SGMS2: variants seen among roughly 807,000 people sequenced by gnomAD.
SGMS2 encodes the protein sphingomyelin synthase 2, also known as phosphatidylcholine:ceramide cholinephosphotransferase 2.
In SGMS2, 21 loss-of-function variants were observed where a neutral mutation model predicts 43.8. The ratio of observed to expected loss-of-function variants is 0.48; its 90% CI spans 0.34 to 0.69. The LOEUF is 0.69. SGMS2 is among the 30% of genes least tolerant of loss of function. The probability of loss-of-function intolerance (pLI) is 0.01; values close to 1 mark genes in which losing one functional copy is unlikely to be tolerated. For missense variants in SGMS2, 384 were observed against 443.2 expected, an observed-to-expected ratio of 0.87 and a Z score of 1.20; for synonymous variants, 167 against 160.6, an observed-to-expected ratio of 1.04 and a Z score of -0.30.
At chr4:107,837,153 C>G (rs1218630390) in intron 1 of SGMS2, among the ~76,000 whole-genome samples, 1 of 152,038 alleles carries the variant, frequency 6.6e-6, no homozygotes, top group African/African-American at 2.4e-5. Context: ...ATTTTTGATT[C>G]TGGGGATTCA....
chr4:107,896,464 C>T (rs1730679786), intron 3 of SGMS2, among the ~76,000 whole-genome samples: 1 of 152,122 alleles, frequency 6.6e-6, no homozygotes, highest in South Asian at 2.1e-4. Context: ...CAATAGCCTG[C>T]TTTAAGGTTT....
intron 2 of SGMS2, among the ~76,000 whole-genome samples, chr4:107,882,444 T>G (rs1403837793): frequency 6.6e-6 from 1 of 152,222 alleles, no homozygotes; most frequent in Admixed American, 6.5e-5. Context: ...GCTTATTTTT[T>G]TACTCAGACT....
chr4:107,882,893 A>G (rs1729469858), intron 2 of SGMS2, among the ~76,000 whole-genome samples: 1 of 152,172 alleles, frequency 6.6e-6, no homozygotes, highest in Non-Finnish European at 1.5e-5. Flanking sequence ...TCTATTATTC[A>G]TTATTGCAGT....
At chr4:107,880,160 A>G (rs1729232712) in intron 2 of SGMS2, among the ~76,000 whole-genome samples, 1 of 152,186 alleles carries the variant, frequency 6.6e-6, no homozygotes. Context: ...TTTCAATTAT[A>G]TCTTTTACCT....
intron 3 of SGMS2, among the ~76,000 whole-genome samples, chr4:107,896,486 A>G (rs942002346): frequency 2.0e-5 from 3 of 152,166 alleles, no homozygotes; most frequent in East Asian, 1.9e-4. Flanking sequence ...CCTAGATTCA[A>G]TTCTCAAATT....
At chr4:107,893,624 G>C (rs1730424980) in intron 2 of SGMS2, 1 of 152,262 alleles carries the variant, frequency 6.6e-6, no homozygotes, top group Admixed American at 6.6e-5. Context: ...GTAATGTATT[G>C]ATAGCTGGGG....
intron 3 of SGMS2, among the ~76,000 whole-genome samples, chr4:107,898,878 T>A (rs1730892142): frequency 6.6e-6 from 1 of 152,208 alleles, no homozygotes; most frequent in South Asian, 2.1e-4. Context: ...GGGATTTTTT[T>A]ATCCTTTTTT....
At chr4:107,899,259 GA>G (rs1264604129) in intron 3 of SGMS2, among the ~76,000 whole-genome samples, 1 of 152,126 alleles carries the variant, frequency 6.6e-6, no homozygotes, top group East Asian at 1.9e-4. Flanking sequence ...TGCTTTTGAG[GA>G]GAGGTGACTA....
chr4:107,877,920 T>C (rs1243965288), intron 2 of SGMS2, among the ~76,000 whole-genome samples: 1 of 141,870 alleles, frequency 7.0e-6, no homozygotes, highest in Non-Finnish European at 1.5e-5. Flanking sequence ...TTTCTTTTTT[T>C]TTTTTTTTTT....
At chr4:107,888,334 T>TA (rs1049317480) in intron 2 of SGMS2, among the ~76,000 whole-genome samples, 3 of 151,470 alleles carry the variant, frequency 2.0e-5, no homozygotes, top group African/African-American at 7.3e-5. Context: ...AACCTTAATT[T>TA]AAAAAAAAAC....
At chr4:107,828,096 C>T (rs751611877) in intron 1 of SGMS2, among the ~76,000 whole-genome samples, 3 of 152,024 alleles carry the variant, frequency 2.0e-5, no homozygotes, top group Admixed American at 2.0e-4. Flanking sequence ...TTAGTTTTCC[C>T]CATATTATAA....
At chr4:107,884,094 TTC>T (rs1553932117) in intron 2 of SGMS2, among the ~76,000 whole-genome samples, 2 of 151,394 alleles carry the variant, frequency 1.3e-5, no homozygotes, top group African/African-American at 4.9e-5. Flanking sequence ...TTTCAATTTT[TTC>T]TTCTTTTTTC....
intron 1 of SGMS2, among the ~76,000 whole-genome samples, chr4:107,839,131 C>T (rs1270121001): frequency 2.0e-5 from 3 of 152,148 alleles, no homozygotes; most frequent in Non-Finnish European, 2.9e-5. Context: ...ATTTCAGAAA[C>T]TCCATCTTTC....
intron 2 of SGMS2, among the ~76,000 whole-genome samples, chr4:107,869,452 T>TA (rs1411045685): frequency 1.3e-5 from 2 of 152,024 alleles, no homozygotes; most frequent in African/African-American, 2.4e-5. Flanking sequence ...TGGAAAAAAA[T>TA]ACTAGTTTCA....
At chr4:107,883,327 AT>A (rs1417425119) in intron 2 of SGMS2, among the ~76,000 whole-genome samples, 1 of 151,782 alleles carries the variant, frequency 6.6e-6, no homozygotes, top group Non-Finnish European at 1.5e-5. Context: ...TCTTTTTTTT[AT>A]TTTTGAAATA....
At chr4:107,897,292 A>C (rs1171520290) in intron 3 of SGMS2, among the ~76,000 whole-genome samples, 1 of 152,234 alleles carries the variant, frequency 6.6e-6, no homozygotes, top group East Asian at 1.9e-4. Flanking sequence ...TAATATGCTT[A>C]AGTAATAGAC....
chr4:107,892,234 CAA>C (rs34353350), intron 2 of SGMS2, among the ~76,000 whole-genome samples: 1,118 of 75,110 alleles, frequency 0.015, 13 homozygotes, highest in African/African-American at 0.051. Flanking sequence ...ACTAAAACTC[CAA>C]AAAAAAAAAA....
At chr4:107,878,577 C>T (rs1453941742) in intron 2 of SGMS2, among the ~76,000 whole-genome samples, 1 of 152,148 alleles carries the variant, frequency 6.6e-6, no homozygotes, top group Admixed American at 6.5e-5. Context: ...AGTTAATCTA[C>T]CTACCTACCT....
chr4:107,898,754 C>T (rs1335761544), intron 3 of SGMS2, among the ~76,000 whole-genome samples: 1 of 152,160 alleles, frequency 6.6e-6, no homozygotes, highest in African/African-American at 2.4e-5. Flanking sequence ...AGACAGGATC[C>T]TCCGTCATCC....
Sources: allele counts gnomAD v4.1 joint callset (sites outside exome capture counted in the v4.1 genomes callset), GRCh38; gene constraint gnomAD v4.1.1; transcripts MANE v1.5; gene names NCBI Gene and HGNC (gene_info 2026-07-23, HGNC 2026-07-21).